TRAP1: variants seen among roughly 807,000 people sequenced by gnomAD.
The protein encoded by TRAP1 is heat shock protein 75 kDa, mitochondrial.
In TRAP1, 102 loss-of-function variants were observed where a neutral mutation model predicts 89.1. The ratio of observed to expected loss-of-function variants is 1.15; its 90% CI spans 0.98 to 1.35. TRAP1 has a LOEUF of 1.35. Ranked by LOEUF, TRAP1 falls within the 40% of genes most tolerant of loss-of-function variation. TRAP1 has a pLI of 0.00. For missense variants in TRAP1, 1,256 were observed against 945.3 expected (o/e 1.33, Z -4.31); for synonymous variants, 508 against 388.0 (o/e 1.31, Z -3.64).
intron 15 of TRAP1, chr16:3,662,445 C>CGCTTGCATGCATGACCAAG: frequency 1.8e-6 from 1 of 542,782 alleles, no homozygotes; most frequent in Non-Finnish European, 3.3e-6. Flanking sequence ...CTCCAAGTGA[C>CGCTTGCATGCATGACCAAG]CATGCATGGG....
At chr16:3,694,451 C>G (rs12925310) in intron 1 of TRAP1, among the ~76,000 whole-genome samples, 62,590 of 151,748 alleles carry the variant, frequency 0.41, 13,289 homozygotes, top group East Asian at 0.63. Flanking sequence ...TCAGGCGATT[C>G]TCCTGCCTCA....
chr16:3,713,631 GACTCGGC>G (rs2051560583), intron 1 of TRAP1, among the ~76,000 whole-genome samples: 1 of 152,226 alleles, frequency 6.6e-6, no homozygotes, highest in African/African-American at 2.4e-5. Flanking sequence ...CAGGAGACTG[GACTCGGC>G]ACCCTTGGTG....
chr16:3,698,533 A>G, intron 1 of TRAP1, among the ~76,000 whole-genome samples: 7 of 151,688 alleles, frequency 4.6e-5, no homozygotes, highest in Non-Finnish European at 1.5e-5. Flanking sequence ...TGATCTCCTG[A>G]CCTCGTGATC....
chr16:3,705,184 C>T (rs1009602738), intron 1 of TRAP1, among the ~76,000 whole-genome samples: 16 of 152,102 alleles, frequency 1.1e-4, no homozygotes, highest in African/African-American at 3.4e-4. Flanking sequence ...CCTGCCTCAG[C>T]GTCCCGAGTA....
chr16:3,664,078 A>G, intron 13 of TRAP1, 196 bp downstream of exon 13: 1 of 587,028 alleles, frequency 1.7e-6, no homozygotes, highest in South Asian at 2.8e-5. Context: ...AACAAAAAAC[A>G]AACAAAAAAA....
Position 3,703,964 on chromosome 16 carries a change from G to A in TRAP1, c.89-12979C>T, listed in dbSNP as rs1019088020. ...CGGGAGGCGGAGCGTGCAGTGAGCC[G>A]AGATCGCGCCACTGCACTCCAGCCT... On this transcript the variant is annotated intron_variant, in intron 1 of 17. Transcript: ENST00000246957. Among the ~76,000 whole-genome samples the A allele has an allele frequency of 3.3e-5, 5 of 151,672 alleles. No homozygotes were observed. The South Asian group carries it at 6.2e-4, about 19-fold the overall frequency.
At chr16:3,685,480 C>T (rs2151265414) in intron 4 of TRAP1, among the ~76,000 whole-genome samples, 1 of 152,204 alleles carries the variant, frequency 6.6e-6, no homozygotes, top group East Asian at 1.9e-4. Flanking sequence ...CAGAGACAGA[C>T]ACCCCCGCAA....
At chr16:3,680,679 A>G (rs1485249202) in intron 4 of TRAP1, among the ~76,000 whole-genome samples, 1 of 152,142 alleles carries the variant, frequency 6.6e-6, no homozygotes, top group Non-Finnish European at 1.5e-5. Context: ...ACCCAAATCC[A>G]TATATTAAGA....
chr16:3,659,721 A>G (rs761935013), intron 16 of TRAP1: 3 of 151,534 alleles, frequency 2.0e-5, no homozygotes, highest in Non-Finnish European at 4.4e-5. Context: ...TCCATTTCCT[A>G]ACTGCATCCC....
At chr16:3,710,602 A>G (rs2151285162) in intron 1 of TRAP1, 1 of 152,310 alleles carries the variant, frequency 6.6e-6, no homozygotes, top group East Asian at 1.9e-4. Flanking sequence ...TTTTAAAGTC[A>G]GCCTCGTGGA....
chr16:3,694,735 C>CTT (rs1401617818), intron 1 of TRAP1, among the ~76,000 whole-genome samples: 1 of 152,190 alleles, frequency 6.6e-6, no homozygotes, highest in Non-Finnish European at 1.5e-5. Context: ...ACTTTGGCCT[C>CTT]TTAAAGCACT....
rs771331013 is a variant in TRAP1 at position 3,662,971 on chromosome 16, C to A, written c.1709-4G>T. ...TTCTCTGATAGGCACTCGGCGGCTG[C>A]GGAAGAGCAGGCGACAGGGAGCTCA... On this transcript the variant is annotated splice_polypyrimidine_tract_variant and splice_region_variant and intron_variant, in intron 14 of 17. Coordinates refer to ENST00000246957, the MANE Select transcript of TRAP1 (RefSeq NM_016292.3). 1.2e-6 allele frequency: 2 copies of A among 1,605,974 alleles called. No individual in the cohort carries two copies. The highest frequency in any genetic ancestry group is 1.7e-6 in the Non-Finnish European group (2 of 1,178,874).
At chr16:3,708,875 G>A (rs1003149539) in intron 1 of TRAP1, among the ~76,000 whole-genome samples, 8 of 149,374 alleles carry the variant, frequency 5.4e-5, no homozygotes, top group Non-Finnish European at 1.0e-4. Flanking sequence ...GAGTGCAGTG[G>A]TGCGATCGCG....
chr16:3,676,458 G>A (rs547868011), intron 6 of TRAP1: 3 of 209,828 alleles, frequency 1.4e-5, no homozygotes, highest in Non-Finnish European at 2.8e-5. Flanking sequence ...GGCACTGTGG[G>A]GGACTGGCCC....
At chr16:3,664,224 C>CCT in intron 13 of TRAP1, 50 bp downstream of exon 13, 1 of 1,484,158 alleles carries the variant, frequency 6.7e-7, no homozygotes, top group Non-Finnish European at 8.9e-7. Flanking sequence ...AGGTCAAGAC[C>CCT]CTCCCCAGGT....
intron 4 of TRAP1, among the ~76,000 whole-genome samples, chr16:3,684,403 T>C (rs76433045): frequency 2.6e-5 from 4 of 152,144 alleles, no homozygotes; most frequent in South Asian, 4.1e-4. Context: ...TATCAGTAGA[T>C]GAGATGGAAT....
intron 15 of TRAP1, 111 bp from the exon 16 acceptor site, chr16:3,662,243 T>G: frequency 7.4e-7 from 1 of 1,344,582 alleles, no homozygotes; most frequent in Non-Finnish European, 1.0e-6. Flanking sequence ...AGGCGGGGTC[T>G]CAAGGACTCC....
intron 9 of TRAP1, among the ~76,000 whole-genome samples, chr16:3,673,694 G>A (rs982194301): frequency 3.3e-5 from 5 of 152,222 alleles, no homozygotes; most frequent in African/African-American, 4.8e-5. Context: ...TGCCAGCTGT[G>A]CAGGACATTA....
In TRAP1 at chr16:3,671,781, G is replaced by T; in HGVS notation, c.1176C>A (p.Asp392Glu). The change falls in exon 11 of 18, where the codon GAC becomes GAA. Residue 392 changes from aspartate to glutamate, a missense_variant. By Grantham distance (45) the Asp-to-Glu change is conservative (BLOSUM62 2). Transcript: ENST00000246957. ...TGAGGTTCAGGGGAATGTCCTCACT[G>T]TCCACCACACCTGGGAGACACGGCA... ...KWLRFIRGVVDSEDIPLNLSR... is the reference protein window; with the variant it reads ...KWLRFIRGVVESEDIPLNLSR... The T allele has an allele frequency of 1.9e-6, 3 of 1,612,772 alleles. No individual in the cohort carries two copies. Among genetic ancestry groups the T allele is most frequent in the Non-Finnish European group, 2.5e-6 (3 of 1,180,012 alleles).
Sources: gnomAD v4.1 joint callset for allele counts (sites outside exome capture counted in the v4.1 genomes callset) on GRCh38, gnomAD v4.1.1 for gene constraint, MANE v1.5 for transcripts, NCBI Gene and HGNC (gene_info 2026-07-23, HGNC 2026-07-21) for gene names.